MRPL34: variants seen among roughly 807,000 people sequenced by gnomAD.
MRPL34 encodes the protein mitochondrial ribosomal protein L34, also known as large ribosomal subunit protein bL34m.
A neutral mutation model predicts 6.7 loss-of-function variants in MRPL34; 8 were observed. The ratio of observed to expected loss-of-function variants is 1.20; its 90% confidence interval spans 0.70 to 2.16. The LOEUF (loss-of-function observed/expected upper bound fraction) is 2.16. MRPL34 is among the 30% of genes most tolerant of loss of function. MRPL34 has a pLI of 0.00. For synonymous variants in MRPL34, 59 were observed against 55.1 expected (o/e 1.07, Z -0.31); for missense variants, 146 against 125.5 (o/e 1.16, Z -0.78).
upstream of MRPL34, among the ~76,000 whole-genome samples, chr19:17,299,969 A>T (rs920364475): frequency 1.3e-5 from 2 of 148,416 alleles, no homozygotes; most frequent in Admixed American, 1.3e-4. Context: ...GCACAATATG[A>T]TCTTGGCTCA....
rs1288714794 is a variant in MRPL34 at position 17,306,532 on chromosome 19, C to CA, written c.*155dup. 1.5e-5 allele frequency: 10 copies of CA among 679,602 alleles called. No homozygotes were observed. Among genetic ancestry groups the CA allele is most frequent in the African/African-American group, 3.7e-5 (2 of 54,396 alleles). The allele number at this position is 679,602 out of a possible 1,614,324, so 42.1% of individuals were successfully genotyped here. On this transcript the variant is annotated 3_prime_UTR_variant, in exon 2 of 2. Coordinates refer to ENST00000252602, the MANE Select transcript of MRPL34 (RefSeq NM_023937.4). ...GGTTGAAGTCTGGATGGGAGCTTGC[C>CA]AAGTCCCTTTTTAGGCTTTTTAATT...
upstream of MRPL34, among the ~76,000 whole-genome samples, chr19:17,302,462 T>C (rs1462259491): frequency 1.3e-5 from 2 of 152,282 alleles, no homozygotes; most frequent in Admixed American, 1.3e-4. Flanking sequence ...GCATCTAAAA[T>C]ATGCAAATCT....
upstream of MRPL34, chr19:17,301,469 C>T: frequency 6.2e-7 from 1 of 1,611,584 alleles, no homozygotes. Context: ...GGGGCGGGTC[C>T]TGCATGCTTC....
At chr19:17,303,965 C>A (rs943265113), upstream of MRPL34, among the ~76,000 whole-genome samples, 1 of 152,066 alleles carries the variant, frequency 6.6e-6, no homozygotes, top group Admixed American at 6.6e-5. Context: ...CCCCTACGCC[C>A]CCCCCTTTTC....
upstream of MRPL34, among the ~76,000 whole-genome samples, chr19:17,300,504 GTC>G (rs1414432523): frequency 6.0e-5 from 9 of 148,882 alleles, no homozygotes; most frequent in African/African-American, 2.2e-4. Flanking sequence ...GCATCTCAGA[GTC>G]TCCCTCTGTC....
upstream of MRPL34, chr19:17,301,690 C>T: frequency 1.4e-6 from 2 of 1,448,706 alleles, no homozygotes; most frequent in Non-Finnish European, 1.8e-6. Flanking sequence ...GTGCAGCAGG[C>T]ACTCCCTGAG....
chr19:17,295,217 T>A (rs908615391), intron 1 of MRPL34, among the ~76,000 whole-genome samples: 10 of 149,704 alleles, frequency 6.7e-5, no homozygotes, highest in Admixed American at 2.0e-4. Context: ...GCCATTCTCC[T>A]GCCTCAGCCT....
At chr19:17,304,711 G>A (rs1281193965), upstream of MRPL34, among the ~76,000 whole-genome samples, 1 of 152,314 alleles carries the variant, frequency 6.6e-6, no homozygotes, top group African/African-American at 2.4e-5. Flanking sequence ...GGCCCTTGAG[G>A]AGCCCTTGAA....
At chr19:17,294,016 CTTACAGCGGTGGGG>C (rs2074082247) in intron 1 of MRPL34, among the ~76,000 whole-genome samples, 1 of 152,136 alleles carries the variant, frequency 6.6e-6, no homozygotes, top group Non-Finnish European at 1.5e-5. Flanking sequence ...GGAGAGCCTT[CTTACAGCGGTGGGG>C]ACAGTGCGTA....
At position 17,292,855 on chromosome 19, in the gene MRPL34, G is replaced by A. The variant is rs780574094; in HGVS notation, c.214+1G>A. 2.2e-5 allele frequency: 35 copies of A among 1,602,756 alleles called. No homozygotes were observed. The highest frequency in any genetic ancestry group is 2.5e-5 in the Non-Finnish European group (29 of 1,173,062). On this transcript the variant is annotated splice_donor_variant, in intron 1 of 2. Transcript: ENST00000595444. LOFTEE classifies it high-confidence loss of function. ...ATCTGCAGAAGACGCAGGGCTCAAG[G>A]TAGGCGGGGGCAAGAGGGTGGAGAG...
chr19:17,301,434 T>A, upstream of MRPL34: 1 of 1,612,094 alleles, frequency 6.2e-7, no homozygotes, highest in Non-Finnish European at 8.5e-7. Context: ...AGGATGCGGA[T>A]GATGGTGGAG....
chr19:17,300,734 T>A, upstream of MRPL34: 1 of 1,296,270 alleles, frequency 7.7e-7, no homozygotes, highest in Non-Finnish European at 1.1e-6. Flanking sequence ...TGCCTCGGCC[T>A]CCCAAAGTGC....
upstream of MRPL34, among the ~76,000 whole-genome samples, chr19:17,302,587 G>A (rs1205420038): frequency 6.6e-6 from 1 of 152,166 alleles, no homozygotes; most frequent in African/African-American, 2.4e-5. Flanking sequence ...CCCCTAGACC[G>A]GGGTGAGCCG....
chr19:17,292,898 G>C, intron 1 of MRPL34: 1 of 1,533,270 alleles, frequency 6.5e-7, no homozygotes, highest in Non-Finnish European at 8.8e-7. Context: ...GCTTCCCTGG[G>C]ACTCCGCCAT....
At chr19:17,299,244 C>G (rs1026345756), upstream of MRPL34, among the ~76,000 whole-genome samples, 7 of 148,068 alleles carry the variant, frequency 4.7e-5, no homozygotes, top group Admixed American at 3.4e-4. Context: ...ACCCCCCCCC[C>G]ATTCTCTATA....
At chr19:17,298,681 A>G (rs565723286), upstream of MRPL34, among the ~76,000 whole-genome samples, 1 of 150,852 alleles carries the variant, frequency 6.6e-6, no homozygotes, top group East Asian at 2.0e-4. Flanking sequence ...ATAGCCCCTC[A>G]CAGAAAAAAA....
At chr19:17,305,781 C>CT (rs3217329), upstream of MRPL34, 16 of 1,186,648 alleles carry the variant, frequency 1.3e-5, no homozygotes, top group East Asian at 2.3e-5. Context: ...CCAACGGCCT[C>CT]TTTTTTGCAC....
At chr19:17,303,186 CGAAGTG>C (rs1306347879), upstream of MRPL34, 2 of 152,248 alleles carry the variant, frequency 1.3e-5, no homozygotes, top group African/African-American at 4.8e-5. Context: ...ACCACTCCTC[CGAAGTG>C]GAGGCCCCGG....
In MRPL34 at chr19:17,306,445, C is replaced by A. The variant is rs1343485607; in HGVS notation, c.*66C>A. 2 of 1,415,832 alleles carry A rather than the reference C, an allele frequency of 1.4e-6. No individual in the cohort carries two copies. Among genetic ancestry groups the A allele is most frequent in the African/African-American group, 2.9e-5 (2 of 69,020 alleles). 87.7% of individuals were successfully genotyped at this position (1,415,832 alleles called of 1,614,324 possible). On this transcript the variant is annotated 3_prime_UTR_variant, in exon 2 of 2. Transcript: ENST00000252602. ...CCCTCGCCTCGGACCTTGCCTGGCG[C>A]TATTTTTGCAGGGAGCTGGGGAGCA...
Sources: allele counts gnomAD v4.1 joint callset (sites outside exome capture counted in the v4.1 genomes callset), GRCh38; gene constraint gnomAD v4.1.1; transcripts MANE v1.5; gene names NCBI Gene and HGNC (gene_info 2026-07-23, HGNC 2026-07-21).